PLAT: variants seen among roughly 807,000 people sequenced by gnomAD.
PLAT encodes tissue-type plasminogen activator.
In PLAT, 48 loss-of-function variants were observed where a neutral mutation model predicts 74.9. The ratio of observed to expected loss-of-function variants is 0.64; its 90% CI spans 0.51 to 0.82. The LOEUF (loss-of-function observed/expected upper bound fraction) is 0.82, where lower values mean the gene tolerates loss of function less well. PLAT is among the 40% of genes least tolerant of loss of function. PLAT has a pLI of 0.00. For synonymous variants in PLAT, 307 were observed against 294.4 expected, an observed-to-expected ratio of 1.04 and a Z score of -0.44; for missense variants, 673 against 736.2, an observed-to-expected ratio of 0.91 and a Z score of 0.99.
chr8:42,194,050 C>CT (rs59850705), intron 1 of PLAT, among the ~76,000 whole-genome samples: 2,389 of 84,730 alleles, frequency 0.028, 148 homozygotes, highest in African/African-American at 0.043. Context: ...TTTCTTCTTT[C>CT]TTTTTTTTTT....
chr8:42,205,534 A>C (rs555169701), intron 1 of PLAT, among the ~76,000 whole-genome samples: 1 of 152,328 alleles, frequency 6.6e-6, no homozygotes, highest in African/African-American at 2.4e-5. Flanking sequence ...CTCAAAAAAA[A>C]AAGTAGATTC....
chr8:42,194,017 C>CT, intron 1 of PLAT, among the ~76,000 whole-genome samples: 1 of 131,800 alleles, frequency 7.6e-6, no homozygotes, highest in Admixed American at 7.6e-5. Context: ...CCCCCGCTGC[C>CT]TTTTTTTCTT....
At chr8:42,198,638 G>C (rs1242154667) in intron 1 of PLAT, among the ~76,000 whole-genome samples, 2 of 152,252 alleles carry the variant, frequency 1.3e-5, no homozygotes, top group Non-Finnish European at 2.9e-5. Flanking sequence ...GCAGAAACGT[G>C]AGCAAGCTAG....
chr8:42,204,261 G>C (rs1464551153), intron 1 of PLAT, among the ~76,000 whole-genome samples: 3 of 151,964 alleles, frequency 2.0e-5, no homozygotes, highest in Non-Finnish European at 4.4e-5. Context: ...GAGGTTTATA[G>C]CCTGACACTA....
chr8:42,189,144 T>A (rs767888933), intron 3 of PLAT, 73 bp from the exon 4 acceptor site: 2 of 1,517,052 alleles, frequency 1.3e-6, no homozygotes, highest in Admixed American at 3.4e-5. Flanking sequence ...TTGCACCTAC[T>A]GAGAAAACTC....
At chr8:42,177,840 G>A (rs1217448139) in intron 13 of PLAT, among the ~76,000 whole-genome samples, 1 of 152,192 alleles carries the variant, frequency 6.6e-6, no homozygotes, top group African/African-American at 2.4e-5. Context: ...GGAAACCGCC[G>A]ATATGACTGC....
chr8:42,193,222 A>T lies in PLAT; in HGVS notation c.-26-11T>A, dbSNP rs752734258. On this transcript the variant is annotated splice_polypyrimidine_tract_variant and intron_variant, in intron 1 of 13. Coordinates refer to ENST00000220809, the MANE Select transcript of PLAT (RefSeq NM_000930.5). ...AGCGTCCCTTAAATTCTGGAAGGAGAGAAAAAACAGCTTGATCACGGGGTG... is the reference window on the plus strand; with the variant it reads ...AGCGTCCCTTAAATTCTGGAAGGAGTGAAAAAACAGCTTGATCACGGGGTG... 3.8e-6 allele frequency: 6 copies of T among 1,559,272 alleles called. No homozygotes were observed. The highest frequency in any genetic ancestry group is 5.3e-6 in the Non-Finnish European group (6 of 1,130,638).
At chr8:42,180,460 G>C in intron 10 of PLAT, 30 bp downstream of exon 10, 1 of 1,613,736 alleles carries the variant, frequency 6.2e-7, no homozygotes, top group Non-Finnish European at 8.5e-7. Flanking sequence ...TTAGAGGGTG[G>C]AAAAACCAAC....
intron 1 of PLAT, among the ~76,000 whole-genome samples, chr8:42,202,869 C>A (rs974157261): frequency 6.6e-6 from 1 of 152,058 alleles, no homozygotes; most frequent in Admixed American, 6.6e-5. Flanking sequence ...CGGGAACACA[C>A]GAAGGAGTTA....
rs775681710 is a variant in PLAT, at chr8:42,187,443, C to T, written c.494G>A (p.Arg165Lys). 16 of 1,602,802 alleles carry T rather than the reference C, an allele frequency of 1.0e-5. No homozygotes were observed. In the Admixed American group the frequency reaches 1.3e-4, roughly 13 times the overall value. The change falls in exon 6 of 14, where the codon AGG becomes AAG. Residue 165 changes from arginine to lysine, a missense_variant. By Grantham distance (26) the Arg-to-Lys change is conservative. Transcript: ENST00000220809. ...CAGGCCCAGCCTGATGGCGTCTGGCCTCCGCCCGCTGTAGGGCTTCTGGGC... is the reference window on the plus strand; with the variant it reads ...CAGGCCCAGCCTGATGGCGTCTGGCTTCCGCCCGCTGTAGGGCTTCTGGGC... ...ALAQKPYSGRRPDAIRLGLGN... is the reference protein window; with the variant it reads ...ALAQKPYSGRKPDAIRLGLGN...
chr8:42,176,807 G>A (rs1252470772), intron 13 of PLAT, among the ~76,000 whole-genome samples: 1 of 152,058 alleles, frequency 6.6e-6, no homozygotes, highest in African/African-American at 2.4e-5. Flanking sequence ...CAAAAATTGG[G>A]TAAATAAATA....
intron 13 of PLAT, 73 bp from the exon 14 acceptor site, chr8:42,176,224 T>C: frequency 9.1e-7 from 1 of 1,099,286 alleles, no homozygotes; most frequent in Non-Finnish European, 1.3e-6. Context: ...ATGTGTAGCA[T>C]GAACATCGTA....
At chr8:42,205,806 G>T (rs1193475776) in intron 1 of PLAT, among the ~76,000 whole-genome samples, 2 of 152,180 alleles carry the variant, frequency 1.3e-5, no homozygotes, top group East Asian at 3.9e-4. Flanking sequence ...ATGTCCTCAG[G>T]ATCTCCAGAG....
chr8:42,184,504 T>TG (rs1805373043), intron 7 of PLAT, among the ~76,000 whole-genome samples: 1 of 151,806 alleles, frequency 6.6e-6, no homozygotes, highest in Non-Finnish European at 1.5e-5. Context: ...GGATTACAGG[T>TG]GCCTGCCACC....
At position 42,175,707 on chromosome 8, in the gene PLAT, TG is replaced by T. The variant is rs1309852862; in HGVS notation, c.*285del. 5 of 323,378 alleles carry T rather than the reference TG, an allele frequency of 1.5e-5. No homozygotes were observed. The East Asian group carries it at 2.1e-4, about 14-fold the overall frequency. 20.0% of individuals were successfully genotyped at this position (323,378 alleles called of 1,614,324 possible). A position where few individuals can be genotyped will look rare whatever the true frequency, so the allele number is the denominator to read the frequency against. On this transcript the variant is annotated 3_prime_UTR_variant, in exon 14 of 14. Coordinates refer to ENST00000220809, the MANE Select transcript of PLAT (RefSeq NM_000930.5). ...GGTTGGGCTTTAGCTGAAAACAGGG[TG>T]GCATGGCCACTTTCTGCCCAGGGAG...
In PLAT at chr8:42,182,708, GTGCTACCTACC is replaced by G. The variant is rs1805296840; in HGVS notation, c.803_803+10del. On this transcript the variant is annotated splice_donor_variant and splice_donor_5th_base_variant and coding_sequence_variant and intron_variant, in exon 8 of 14. Transcript: ENST00000220809. LOFTEE classifies it high-confidence loss of function. ...GCCAAGACCTGAACCCCCCACCCCT[GTGCTACCTACC>G]GGCAGTAATTATGTTTGCCCAGGCC... 6.3e-7 allele frequency: 1 copy of G among 1,594,962 alleles called. No individual in the cohort carries two copies. The highest frequency in any genetic ancestry group is 2.2e-5 in the East Asian group (1 of 44,516).
chr8:42,194,769 G>GC (rs1218302965), intron 1 of PLAT, among the ~76,000 whole-genome samples: 1 of 150,086 alleles, frequency 6.7e-6, no homozygotes, highest in Non-Finnish European at 1.5e-5. Flanking sequence ...CAAAGCAGAG[G>GC]CCCCCCAACC....
At chr8:42,180,139 G>C in intron 11 of PLAT, 73 bp from the exon 12 acceptor site, 1 of 1,585,556 alleles carries the variant, frequency 6.3e-7, no homozygotes, top group Non-Finnish European at 8.6e-7. Flanking sequence ...CGCAGGAGGG[G>C]CAGGGGCTGG....
chr8:42,193,218 G>T lies in PLAT; in HGVS notation c.-26-7C>A. 1 of 1,593,408 alleles carries T rather than the reference G, an allele frequency of 6.3e-7. No individual in the cohort carries two copies. Among genetic ancestry groups the T allele is most frequent in the African/African-American group, 1.3e-5 (1 of 74,670 alleles). On this transcript the variant is annotated splice_polypyrimidine_tract_variant and splice_region_variant and intron_variant, in intron 1 of 13. Coordinates refer to ENST00000220809, the MANE Select transcript of PLAT (RefSeq NM_000930.5). The stretch of plus-strand genomic sequence containing the variant: ...TCACAGCGTCCCTTAAATTCTGGAA[G>T]GAGAGAAAAAACAGCTTGATCACGG...
Sources: gnomAD v4.1 joint callset for allele counts (sites outside exome capture counted in the v4.1 genomes callset) on GRCh38, gnomAD v4.1.1 for gene constraint, MANE v1.5 for transcripts, NCBI Gene and HGNC (gene_info 2026-07-23, HGNC 2026-07-21) for gene names.